The following FER variants were observed in gnomAD, a reference collection of about 807,000 sequenced individuals.
FER encodes tyrosine-protein kinase Fer.
Under a neutral mutation model 111.0 loss-of-function variants are expected in FER, and 63 were observed. The observed-to-expected ratio is 0.57, with a 90% CI of 0.46 to 0.70. The LOEUF (loss-of-function observed/expected upper bound fraction) is 0.70. Ranked by LOEUF, FER falls within the 30% of genes least tolerant of loss-of-function variation. The pLI, the probability that FER is intolerant of heterozygous loss-of-function variation, is 0.00. For missense variants in FER, 914 were observed against 954.0 expected (o/e 0.96, Z 0.55); for synonymous variants, 327 against 313.9 (o/e 1.04, Z -0.44).
Position 108,790,440 on chromosome 5 carries a change from A to T in FER, c.-59-7684A>T, listed in dbSNP as rs201577392. The stretch of plus-strand genomic sequence containing the variant: ...AACAAGAAATTCACCTCTGGTATGG[A>T]TGAACTAGAATGAAAGATAAAAGGT... On this transcript the variant is annotated intron_variant, in intron 2 of 19. Coordinates refer to ENST00000281092, the MANE Select transcript of FER (RefSeq NM_005246.4). Among the ~76,000 whole-genome samples, 10 of 152,322 alleles carry T rather than the reference A, an allele frequency of 6.6e-5. No individual in the cohort carries two copies. In the East Asian group the frequency reaches 1.5e-3, roughly 23 times the overall value.
At chr5:108,822,818 C>T (rs1425934357) in intron 3 of FER, among the ~76,000 whole-genome samples, 2 of 144,638 alleles carry the variant, frequency 1.4e-5, no homozygotes, top group African/African-American at 5.3e-5. Flanking sequence ...GAGACAGAGT[C>T]TCGTTCTGTC....
chr5:109,130,921 T>C (rs1752285808), intron 17 of FER, among the ~76,000 whole-genome samples: 1 of 152,182 alleles, frequency 6.6e-6, no homozygotes, highest in Admixed American at 6.6e-5. Context: ...AACAAGTTTA[T>C]TTGCAGTTTC....
At position 109,187,911 on chromosome 5, in the gene FER, T is replaced by G; in HGVS notation, c.*336T>G. On this transcript the variant is annotated 3_prime_UTR_variant, in exon 20 of 20. Coordinates refer to ENST00000281092, the MANE Select transcript of FER (RefSeq NM_005246.4). Reference sequence around the variant, plus strand: ...CACCTTGTTTCTACTTCAGGCACAGTTTGTAGGCTGCCATCCTATGCCACA... The same window carrying G: ...CACCTTGTTTCTACTTCAGGCACAGGTTGTAGGCTGCCATCCTATGCCACA... The G allele has an allele frequency of 3.6e-6, 1 of 279,242 alleles. No homozygotes were observed. The allele number at this position is 279,242 out of a possible 1,614,324, so 17.3% of individuals were successfully genotyped here. A position where few individuals can be genotyped will look rare whatever the true frequency, so the allele number is the denominator to read the frequency against.
Position 108,954,925 on chromosome 5 carries a change from A to G in FER, c.1526A>G (p.Tyr509Cys), listed in dbSNP as rs768921478. 13 of 1,605,160 alleles carry G rather than the reference A, an allele frequency of 8.1e-6. No homozygotes were observed. Among genetic ancestry groups the G allele is most frequent in the Admixed American group, 1.7e-5 (1 of 59,578 alleles). Residue 509 changes from tyrosine (Y) to cysteine (C), a missense_variant, in exon 12 of 20, where the codon TAT becomes TGT. Around this residue, in one of 3 missense-constraint regions of FER, gnomAD observed 774 missense variants for 782.6 expected, o/e 0.99. Transcript: ENST00000281092. ...DGQRRHFIIQ[Y>C]VDNMYRFEGT... ...CAGAGGAGACATTTTATCATACAAT[A>G]TGTTGATGTACGTTTCCAGTTTAGT...
At chr5:109,175,959 A>G (rs1234742296) in intron 17 of FER, among the ~76,000 whole-genome samples, 1 of 152,186 alleles carries the variant, frequency 6.6e-6, no homozygotes, top group Non-Finnish European at 1.5e-5. Flanking sequence ...AGCCCAGGCG[A>G]CAGAGCAAGA....
intron 17 of FER, among the ~76,000 whole-genome samples, chr5:109,149,093 A>AG (rs1344611706): frequency 6.6e-6 from 1 of 152,002 alleles, no homozygotes; most frequent in African/African-American, 2.4e-5. Flanking sequence ...TATTAAAAAA[A>AG]ATGCAAAACC....
At chr5:109,127,504 A>G (rs1031110346) in intron 17 of FER, among the ~76,000 whole-genome samples, 1 of 152,090 alleles carries the variant, frequency 6.6e-6, no homozygotes, top group African/African-American at 2.4e-5. Context: ...CCCAGGTTCA[A>G]GGGGTTCTCC....
At chr5:109,063,909 C>T (rs547577734) in intron 16 of FER, among the ~76,000 whole-genome samples, 203 of 152,166 alleles carry the variant, frequency 1.3e-3, no homozygotes, top group African/African-American at 4.6e-3. Flanking sequence ...TATATCTAAA[C>T]CTAGACATTC....
intron 3 of FER, among the ~76,000 whole-genome samples, chr5:108,827,441 G>T (rs1018145753): frequency 3.9e-5 from 6 of 152,126 alleles, no homozygotes; most frequent in African/African-American, 1.4e-4. Context: ...GAAAAAAATA[G>T]TACCCATTTC....
chr5:108,896,099 A>T (rs991058578), intron 9 of FER, among the ~76,000 whole-genome samples: 2 of 151,670 alleles, frequency 1.3e-5, no homozygotes, highest in Non-Finnish European at 2.9e-5. Flanking sequence ...ACATGAAAAT[A>T]TATTTTTCCA....
intron 16 of FER, among the ~76,000 whole-genome samples, chr5:109,055,821 G>A (rs1581829203): frequency 2.5e-5 from 3 of 119,070 alleles, no homozygotes; most frequent in South Asian, 2.8e-4. Context: ...ACATACAACT[G>A]ATGTACCAAA....
intron 10 of FER, among the ~76,000 whole-genome samples, chr5:108,898,862 A>G (rs1026112341): frequency 6.6e-6 from 1 of 151,456 alleles, no homozygotes; most frequent in African/African-American, 2.4e-5. Flanking sequence ...TAAACCTCTT[A>G]GAATGCACAG....
intron 14 of FER, among the ~76,000 whole-genome samples, chr5:109,042,293 C>T (rs1233504122): frequency 6.6e-6 from 1 of 152,026 alleles, no homozygotes; most frequent in Non-Finnish European, 1.5e-5. Context: ...CTTTTTGTCT[C>T]ACCCCTTGCA....
intron 9 of FER, among the ~76,000 whole-genome samples, chr5:108,892,019 T>C (rs1748162963): frequency 6.6e-6 from 1 of 152,224 alleles, no homozygotes; most frequent in Admixed American, 6.5e-5. Flanking sequence ...GGCTGCATAG[T>C]ATTTCATGGT....
At chr5:109,017,952 G>T (rs12519835) in intron 13 of FER, among the ~76,000 whole-genome samples, 16,414 of 151,660 alleles carry the variant, frequency 0.11, 1,194 homozygotes, top group Middle Eastern at 0.22. Context: ...CAAACCCTTT[G>T]TTTTCATTTT....
chr5:108,955,534 T>C (rs77285313), intron 12 of FER, among the ~76,000 whole-genome samples: 1,911 of 151,984 alleles, frequency 0.013, 17 homozygotes, highest in Non-Finnish European at 0.018. Context: ...ATTGCTAAAC[T>C]ACTTTCTATG....
chr5:109,140,999 A>G (rs1001036830), intron 17 of FER, among the ~76,000 whole-genome samples: 4 of 152,134 alleles, frequency 2.6e-5, no homozygotes, highest in African/African-American at 4.8e-5. Flanking sequence ...CGAGCATACC[A>G]TGTTCAGAGA....
intron 2 of FER, among the ~76,000 whole-genome samples, chr5:108,796,691 G>A (rs1235948801): frequency 2.0e-5 from 3 of 152,050 alleles, no homozygotes; most frequent in African/African-American, 4.8e-5. Context: ...GGCTACTGCT[G>A]ATGTTGACGT....
chr5:108,820,456 C>T, intron 3 of FER: 1 of 985,254 alleles, frequency 1.0e-6, no homozygotes, highest in Non-Finnish European at 1.2e-6. Context: ...AAAGGTGGCC[C>T]TTAAGTCCAA....
Sources: allele counts gnomAD v4.1 joint callset (sites outside exome capture counted in the v4.1 genomes callset), GRCh38; gene constraint gnomAD v4.1.1; regional missense constraint gnomAD v4.1.1; transcripts MANE v1.5; gene names NCBI Gene and HGNC (gene_info 2026-07-23, HGNC 2026-07-21).